GALNT3: variants seen among roughly 807,000 people sequenced by gnomAD.
The protein encoded by GALNT3 is polypeptide N-acetylgalactosaminyltransferase 3.
GALNT3 carries 51 observed loss-of-function variants against 69.8 expected under a neutral mutation model. The ratio of observed to expected loss-of-function variants is 0.73; its 90% confidence interval spans 0.58 to 0.92. The LOEUF is 0.92. Among genes scored for constraint, GALNT3 ranks in the 40% least tolerant of loss-of-function variants. The pLI, the probability that GALNT3 is intolerant of heterozygous loss-of-function variation, is 0.00. For synonymous variants in GALNT3, 265 were observed against 248.5 expected, an observed-to-expected ratio of 1.07 and a Z score of -0.63; for missense variants, 711 against 760.0, an observed-to-expected ratio of 0.94 and a Z score of 0.76.
chr2:165,770,564 G>A lies in GALNT3; in HGVS notation c.137C>T (p.Ser46Phe), dbSNP rs1688734072. 4.3e-6 allele frequency: 7 copies of A among 1,613,250 alleles called. No homozygotes were observed. Among genetic ancestry groups the A allele is most frequent in the Non-Finnish European group, 5.9e-6 (7 of 1,179,744 alleles). Reference protein sequence around the residue: ...LMQREVSVQYSKEESRMERNM... With the variant: ...LMQREVSVQYFKEESRMERNM... ...CCTTTCCATCCTTGATTCCTCTTTG[G>A]AATATTGAACACTTACTTCTCTTTG... The change falls in exon 2 of 11, where the codon TCC (serine) becomes TTC (phenylalanine). Residue 46 changes from serine (S) to phenylalanine (F), a missense_variant. Transcript: ENST00000392701.
intron 1 of GALNT3, among the ~76,000 whole-genome samples, chr2:165,782,421 A>C (rs748404839): frequency 4.6e-5 from 7 of 152,126 alleles, no homozygotes; most frequent in Non-Finnish European, 1.0e-4. Context: ...ATAATGTTTT[A>C]AGACAGTTTA....
At chr2:165,780,186 C>G (rs1333363616) in intron 1 of GALNT3, among the ~76,000 whole-genome samples, 1 of 152,136 alleles carries the variant, frequency 6.6e-6, no homozygotes, top group Non-Finnish European at 1.5e-5. Context: ...CCCACTGAGA[C>G]AGCTGGAGAG....
At chr2:165,782,517 T>C (rs892581298) in intron 1 of GALNT3, among the ~76,000 whole-genome samples, 1 of 151,772 alleles carries the variant, frequency 6.6e-6, no homozygotes, top group African/African-American at 2.4e-5. Flanking sequence ...GTTTAGAGAG[T>C]CAATATAGAG....
intron 1 of GALNT3, among the ~76,000 whole-genome samples, chr2:165,790,883 T>C (rs1026911042): frequency 6.6e-6 from 1 of 152,152 alleles, no homozygotes; most frequent in African/African-American, 2.4e-5. Context: ...AATAATAAAC[T>C]GGCTATGTTT....
Position 165,770,393 on chromosome 2 carries a change from GTATAATAT to G in GALNT3, c.300_307del (p.Tyr101SerfsTer9). ...AAGGACAGGCTTCAATTCTGCTGCT[GTATAATAT>G]CCTTGCAAACAAGGTCTCTCACCAG... On this transcript the variant is annotated frameshift_variant, in exon 2 of 11. Coordinates refer to ENST00000392701, the MANE Select transcript of GALNT3 (RefSeq NM_004482.4). LOFTEE classifies it high-confidence loss of function. 6.2e-7 allele frequency: 1 copy of G among 1,614,210 alleles called. No homozygotes were observed. The highest frequency in any genetic ancestry group is 8.5e-7 in the Non-Finnish European group (1 of 1,180,036).
rs147079918 is a variant in GALNT3 at position 165,777,368 on chromosome 2, C to T, written c.-108-6560G>A. 5.3e-3 allele frequency among the ~76,000 whole-genome samples: 800 copies of T among 152,302 alleles called. 7 individuals carry two copies. The highest frequency in any genetic ancestry group is 0.019 in the African/African-American group (780 of 41,572). The stretch of plus-strand genomic sequence containing the variant: ...CACTATTGTGAATTATTATAAAACT[C>T]ATTGGATCTTTGCCACACATTATCT... On this transcript the variant is annotated intron_variant, in intron 1 of 10. Transcript: ENST00000392701.
In GALNT3 at chr2:165,758,738, T is replaced by C; in HGVS notation, c.1191+9A>G. The C allele has an allele frequency of 6.8e-7, 1 of 1,466,684 alleles. No individual in the cohort carries two copies. The highest frequency in any genetic ancestry group is 1.1e-5 in the South Asian group (1 of 88,022). 90.9% of individuals were successfully genotyped at this position (1,466,684 alleles called of 1,614,324 possible). A position where few individuals can be genotyped will look rare whatever the true frequency, so the allele number is the denominator to read the frequency against. On this transcript the variant is annotated intron_variant, in intron 6 of 10. Transcript: ENST00000392701. ...ATATATCTGCTATATTTAATTTCCA[T>C]AAACTTACTCTGAAAGACATTTCTA...
In GALNT3 at chr2:165,770,512, C is replaced by T. The variant is rs188814778; in HGVS notation, c.189G>A (p.Leu63=). The change falls in exon 2 of 11, where the codon TTG becomes TTA. Residue 63 remains leucine, a synonymous_variant. Transcript: ENST00000392701. Reference sequence around the variant, plus strand: ...TGTTTACAGCTTCTAGCATTAAATCCAACATCTTGTTTTTGTTTTTCATGT... The same window carrying T: ...TGTTTACAGCTTCTAGCATTAAATCTAACATCTTGTTTTTGTTTTTCATGT... ...ERNMKNKNKM[L]DLMLEAVNNI... 121 of 1,614,122 alleles carry T rather than the reference C, an allele frequency of 7.5e-5. No homozygotes were observed. The African/African-American group carries it at 1.1e-3, about 15-fold the overall frequency.
At chr2:165,785,192 C>T (rs1187462820) in intron 1 of GALNT3, among the ~76,000 whole-genome samples, 4 of 151,758 alleles carry the variant, frequency 2.6e-5, no homozygotes, top group Non-Finnish European at 5.9e-5. Context: ...TTGAAACAAC[C>T]GAGAACTCTA....
chr2:165,764,349 G>A (rs1303772660), intron 3 of GALNT3, among the ~76,000 whole-genome samples: 1 of 152,012 alleles, frequency 6.6e-6, no homozygotes, highest in Non-Finnish European at 1.5e-5. Flanking sequence ...TTATGTACTA[G>A]TTCTGTATTT....
chr2:165,757,370 T>C (rs1338764769), intron 6 of GALNT3, 123 bp from the exon 7 acceptor site: 69 of 894,296 alleles, frequency 7.7e-5, no homozygotes, highest in Non-Finnish European at 1.1e-4. Flanking sequence ...ATATTACAAA[T>C]AGTCTCTGTC....
intron 1 of GALNT3, among the ~76,000 whole-genome samples, chr2:165,778,671 G>T (rs1006424816): frequency 3.0e-4 from 46 of 152,164 alleles, no homozygotes; most frequent in African/African-American, 1.1e-3. Flanking sequence ...AGTCATAGAA[G>T]TACTTCATTC....
intron 3 of GALNT3, 89 bp downstream of exon 3, chr2:165,764,795 G>T: frequency 7.9e-7 from 1 of 1,270,636 alleles, no homozygotes; most frequent in Non-Finnish European, 1.2e-6. Context: ...GCTCTGAGAT[G>T]GCATACAGAG....
chr2:165,768,831 G>C (rs1304247590), intron 2 of GALNT3, among the ~76,000 whole-genome samples: 1 of 124,256 alleles, frequency 8.0e-6, no homozygotes. Context: ...TTTCGTTCTT[G>C]TCGCCCAGGC....
chr2:165,789,112 G>GT (rs950237701), intron 1 of GALNT3, among the ~76,000 whole-genome samples: 3 of 152,176 alleles, frequency 2.0e-5, no homozygotes, highest in Non-Finnish European at 4.4e-5. Flanking sequence ...TGTTCTAATG[G>GT]TTGTTGTCTT....
At chr2:165,773,566 T>C (rs959360172) in intron 1 of GALNT3, among the ~76,000 whole-genome samples, 2 of 152,176 alleles carry the variant, frequency 1.3e-5, no homozygotes, top group African/African-American at 4.8e-5. Flanking sequence ...TTGTTCAGTT[T>C]TGGACATAGC....
In GALNT3 at chr2:165,759,359, C is replaced by T; in HGVS notation, c.1050G>A (p.Arg350=). Residue 350 remains arginine, a synonymous_variant, in exon 5 of 11, where the codon AGG becomes AGA. Coordinates refer to ENST00000392701, the MANE Select transcript of GALNT3 (RefSeq NM_004482.4). ...ESLPDHEKQR[R]KDETYPIKTP... is the part of the protein sequence containing the mutation. The stretch of plus-strand genomic sequence containing the variant: ...ACTTAATTGGGTAGGTTTCATCTTT[C>T]CTTCTTTGCTTCTCATGATCAGGAA... 1.2e-6 allele frequency: 2 copies of T among 1,613,808 alleles called. No individual in the cohort carries two copies. Among genetic ancestry groups the T allele is most frequent in the South Asian group, 1.1e-5 (1 of 91,036 alleles).
intron 6 of GALNT3, 85 bp from the exon 7 acceptor site, chr2:165,757,332 G>A: frequency 7.6e-7 from 1 of 1,318,088 alleles, no homozygotes; most frequent in Non-Finnish European, 1.1e-6. Context: ...AAGGTATTAT[G>A]AAAAACAAAA....
Position 165,770,323 on chromosome 2 carries a change from T to C in GALNT3, c.378A>G (p.Lys126=). The C allele has an allele frequency of 6.2e-7, 1 of 1,614,174 alleles. No individual in the cohort carries two copies. Among genetic ancestry groups the C allele is most frequent in the Non-Finnish European group, 8.5e-7 (1 of 1,180,032 alleles). Residue 126 remains lysine (K), a synonymous_variant, in exon 2 of 11, where the codon AAA becomes AAG. Coordinates refer to ENST00000392701, the MANE Select transcript of GALNT3 (RefSeq NM_004482.4). ...CACTTAAATTGGTTGTCTTGAATGC[T>C]TTACCAGAAGCACCAGGTGCATTTG... ...QDSNAPGASG[K]AFKTTNLSVE...
Sources: gnomAD v4.1 joint callset for allele counts (sites outside exome capture counted in the v4.1 genomes callset) on GRCh38, gnomAD v4.1.1 for gene constraint, MANE v1.5 for transcripts, NCBI Gene and HGNC (gene_info 2026-07-23, HGNC 2026-07-21) for gene names.